The following THSD7A variants were observed in gnomAD, a reference collection of about 807,000 sequenced individuals.
THSD7A encodes thrombospondin type 1 domain containing 7A, also known as thrombospondin type-1 domain-containing protein 7A.
Under a neutral mutation model 231.3 loss-of-function variants are expected in THSD7A, and 96 were observed. The observed-to-expected ratio is 0.41, with a 90% CI of 0.35 to 0.49. The LOEUF is 0.49. Ranked by LOEUF, THSD7A falls within the 20% of genes least tolerant of loss-of-function variation. The pLI, the probability that THSD7A is intolerant of heterozygous loss-of-function variation, is 0.05. For synonymous variants in THSD7A, 940 were observed against 743.3 expected (o/e 1.26, Z -4.30); for missense variants, 2,290 against 2,070.2 (o/e 1.11, Z -2.06).
At chr7:11,642,488 C>A (rs1321995283) in intron 1 of THSD7A, among the ~76,000 whole-genome samples, 2 of 152,136 alleles carry the variant, frequency 1.3e-5, no homozygotes, top group Non-Finnish European at 2.9e-5. Flanking sequence ...ATACAAAGCA[C>A]TTCTACAATG....
rs1243210353 is a variant in THSD7A, at chr7:11,375,894, G to A, written c.4890-16C>T. ...TGGCTTTTTGCTGTAAAAAAATTCG[G>A]AATTAGGAGAAAGAAAATCAGTTTC... On this transcript the variant is annotated splice_polypyrimidine_tract_variant and intron_variant, in intron 27 of 27. Transcript: ENST00000423059. 1.2e-6 allele frequency: 2 copies of A among 1,609,522 alleles called. No individual in the cohort carries two copies. Among genetic ancestry groups the A allele is most frequent in the Non-Finnish European group, 1.7e-6 (2 of 1,176,854 alleles).
chr7:11,694,792 A>G (rs1780338151), intron 1 of THSD7A, among the ~76,000 whole-genome samples: 1 of 151,616 alleles, frequency 6.6e-6, no homozygotes, highest in African/African-American at 2.4e-5. Flanking sequence ...GTAATAGCAT[A>G]TTATACTCCA....
chr7:11,677,657 C>G (rs1340430259), intron 1 of THSD7A, among the ~76,000 whole-genome samples: 1 of 132,486 alleles, frequency 7.5e-6, no homozygotes, highest in Non-Finnish European at 1.6e-5. Flanking sequence ...GACTTTAAAC[C>G]AACAAAGATC....
chr7:11,593,315 G>C lies in THSD7A; in HGVS notation c.1210C>G (p.Pro404Ala). 1 of 1,613,912 alleles carries C rather than the reference G, an allele frequency of 6.2e-7. No homozygotes were observed. Among genetic ancestry groups the C allele is most frequent in the Non-Finnish European group, 8.5e-7 (1 of 1,179,876 alleles). ...QFPIGSEKEC[P>A]EFEEKEPCLS... The stretch of plus-strand genomic sequence containing the variant: ...CAGGGTTCTTTTTCTTCAAATTCTG[G>C]ACACTCCTTTTCACTGCCAATGGGA... The change falls in exon 3 of 28, where the codon CCA becomes GCA. Residue 404 changes from proline to alanine, a missense_variant. Coordinates refer to ENST00000423059, the MANE Select transcript of THSD7A (RefSeq NM_015204.3).
At chr7:11,448,154 C>T (rs1400502280) in intron 11 of THSD7A, among the ~76,000 whole-genome samples, 2 of 151,998 alleles carry the variant, frequency 1.3e-5, no homozygotes, top group Admixed American at 6.6e-5. Context: ...ATTTGTAGTT[C>T]TAAAATTACA....
At chr7:11,403,753 C>T (rs1313049775) in intron 22 of THSD7A, among the ~76,000 whole-genome samples, 2 of 152,122 alleles carry the variant, frequency 1.3e-5, no homozygotes, top group Non-Finnish European at 2.9e-5. Context: ...TAATACATGT[C>T]AGGCTTCAAA....
rs375468466 is a variant in THSD7A, at chr7:11,613,717, G to A, written c.1023-20215C>T. Among the ~76,000 whole-genome samples, 20 of 152,246 alleles carry A rather than the reference G, an allele frequency of 1.3e-4. No homozygotes were observed. The East Asian group carries it at 3.7e-3, about 28-fold the overall frequency. On this transcript the variant is annotated intron_variant, in intron 2 of 27. Coordinates refer to ENST00000423059, the MANE Select transcript of THSD7A (RefSeq NM_015204.3). ...CAGTGAAGGATAACCCTAAACTCTG[G>A]CACAGCGCCACACTCTGGGTGAACA...
At chr7:11,533,501 A>T (rs6980164) in intron 6 of THSD7A, among the ~76,000 whole-genome samples, 1 of 152,120 alleles carries the variant, frequency 6.6e-6, no homozygotes, top group Non-Finnish European at 1.5e-5. Context: ...CCAAATGTCC[A>T]TCAAAGATAG....
chr7:11,653,332 G>T (rs1056740416), intron 1 of THSD7A, among the ~76,000 whole-genome samples: 14 of 151,704 alleles, frequency 9.2e-5, no homozygotes, highest in Non-Finnish European at 1.5e-4. Flanking sequence ...TCTAGCTCAA[G>T]TTGTTTGACT....
chr7:11,444,822 ATAAT>A lies in THSD7A; in HGVS notation c.3064+1235_3064+1238del, dbSNP rs913920838. On this transcript the variant is annotated intron_variant, in intron 13 of 27. Transcript: ENST00000423059. This position sits in a 1 kb window ranked among gnomAD's most constrained non-coding sequence, Gnocchi z 4.2. ...GTGTGTGTGTGTATAAACTATATAT[ATAAT>A]TAAACTATATATATAATTAAACTAT... is the stretch of plus-strand genomic sequence containing the variant. Among the ~76,000 whole-genome samples, 1 of 147,918 alleles carries A rather than the reference ATAAT, an allele frequency of 6.8e-6. No individual in the cohort carries two copies. Among genetic ancestry groups the A allele is most frequent in the African/African-American group, 2.5e-5 (1 of 40,634 alleles).
chr7:11,473,969 G>A (rs975414731), intron 8 of THSD7A, among the ~76,000 whole-genome samples: 6 of 152,062 alleles, frequency 3.9e-5, no homozygotes, highest in African/African-American at 1.2e-4. Context: ...TAGCCTACGG[G>A]TATATAGGAG....
intron 4 of THSD7A, among the ~76,000 whole-genome samples, chr7:11,584,950 T>C (rs1480885920): frequency 6.6e-6 from 1 of 152,192 alleles, no homozygotes; most frequent in Admixed American, 6.6e-5. Flanking sequence ...ATTCAAGAGA[T>C]AATTTTCAGA....
intron 1 of THSD7A, among the ~76,000 whole-genome samples, chr7:11,652,286 G>A (rs6947442): frequency 5.3e-5 from 8 of 151,790 alleles, no homozygotes; most frequent in South Asian, 4.1e-4. Flanking sequence ...TTTCTGGCAC[G>A]GGAGCAGGAC....
At chr7:11,572,239 C>A (rs944369965) in intron 4 of THSD7A, among the ~76,000 whole-genome samples, 4 of 152,014 alleles carry the variant, frequency 2.6e-5, no homozygotes, top group Non-Finnish European at 5.9e-5. Flanking sequence ...TCCCTCCAAT[C>A]TTCTCTCTTT....
At chr7:11,593,106 T>C (rs767329645) in intron 3 of THSD7A, 148 bp downstream of exon 3, 26 of 1,053,012 alleles carry the variant, frequency 2.5e-5, no homozygotes, top group Non-Finnish European at 3.3e-5. Context: ...ACTTTTATTC[T>C]GTAAAAAAAG....
chr7:11,423,891 C>T (rs1583713013), intron 16 of THSD7A, among the ~76,000 whole-genome samples: 1 of 152,094 alleles, frequency 6.6e-6, no homozygotes, highest in Non-Finnish European at 1.5e-5. Flanking sequence ...GAAAATTTAA[C>T]GAGTATCAAT....
At chr7:11,701,930 C>A (rs1016776253) in intron 1 of THSD7A, among the ~76,000 whole-genome samples, 1 of 150,822 alleles carries the variant, frequency 6.6e-6, no homozygotes, top group African/African-American at 2.4e-5. Context: ...TATGCCTGAG[C>A]ACACTTTTTC....
chr7:11,732,110 T>C (rs574750745), intron 1 of THSD7A, among the ~76,000 whole-genome samples: 20 of 151,774 alleles, frequency 1.3e-4, no homozygotes, highest in East Asian at 5.8e-4. Flanking sequence ...TGTGTAGATA[T>C]AATATTAGCT....
intron 2 of THSD7A, among the ~76,000 whole-genome samples, chr7:11,619,078 T>C (rs1781218059): frequency 6.6e-6 from 1 of 152,048 alleles, no homozygotes; most frequent in Non-Finnish European, 1.5e-5. Flanking sequence ...TTTTTAAACA[T>C]CATTATATTA....
Sources: allele counts gnomAD v4.1 joint callset (sites outside exome capture counted in the v4.1 genomes callset), GRCh38; gene constraint gnomAD v4.1.1; non-coding constraint Gnocchi (gnomAD v3.1); transcripts MANE v1.5; gene names NCBI Gene and HGNC (gene_info 2026-07-23, HGNC 2026-07-21).